The following INPP5E variants were observed in gnomAD, a reference collection of about 807,000 sequenced individuals.
INPP5E encodes phosphatidylinositol polyphosphate 5-phosphatase type IV.
INPP5E carries 34 observed loss-of-function variants against 50.5 expected under a neutral mutation model. The ratio of observed to expected loss-of-function variants is 0.67; its 90% confidence interval spans 0.51 to 0.90. The LOEUF (loss-of-function observed/expected upper bound fraction) is 0.90. Ranked by LOEUF, INPP5E falls within the 40% of genes least tolerant of loss-of-function variation. The probability of loss-of-function intolerance (pLI) is 0.00; values close to 1 mark genes in which losing one functional copy is unlikely to be tolerated. For synonymous variants in INPP5E, 447 were observed against 406.0 expected (o/e 1.10, Z -1.21); for missense variants, 942 against 905.5 (o/e 1.04, Z -0.52).
intron 9 of INPP5E, 30 bp downstream of exon 9, chr9:136,430,247 A>G: frequency 6.4e-7 from 1 of 1,550,748 alleles, no homozygotes. Context: ...CCCCAGGCCC[A>G]AGGGGGAAGG....
Position 136,439,535 on chromosome 9 carries a change from C to G in INPP5E, c.-116G>C. 2 of 734,098 alleles carry G rather than the reference C, an allele frequency of 2.7e-6. No individual in the cohort carries two copies. Among genetic ancestry groups the G allele is most frequent in the Non-Finnish European group, 3.8e-6 (2 of 519,562 alleles). 45.5% of individuals were successfully genotyped at this position (734,098 alleles called of 1,614,324 possible). A position where few individuals can be genotyped will look rare whatever the true frequency, so the allele number is the denominator to read the frequency against. ...GGAGCAGAAACGCCGCTGCGGCTCC[C>G]GCTTGGGCCGGGGATGGTCGCGGAG... On this transcript the variant is annotated 5_prime_UTR_variant, in exon 1 of 10. Coordinates refer to ENST00000371712, the MANE Select transcript of INPP5E (RefSeq NM_019892.6).
At chr9:136,432,787 G>C (rs1692120798) in intron 5 of INPP5E, among the ~76,000 whole-genome samples, 169 bp downstream of exon 5, 1 of 152,226 alleles carries the variant, frequency 6.6e-6, no homozygotes. Flanking sequence ...CTCGGTGCCG[G>C]GGTCTGCCGG....
At chr9:136,433,959 G>A (rs1835770437) in intron 3 of INPP5E, 78 bp downstream of exon 3, 1 of 1,167,742 alleles carries the variant, frequency 8.6e-7, no homozygotes. Context: ...GCCCAGCCAT[G>A]ACCACAGGTC....
Position 136,429,316 on chromosome 9 carries a change from T to C in INPP5E, c.*359A>G, listed in dbSNP as rs945646224. On this transcript the variant is annotated 3_prime_UTR_variant, in exon 10 of 10. Transcript: ENST00000371712. Reference sequence around the variant, plus strand: ...GAGGCTGGTGCAGAGCACGGGGGTGTTGGGGGGCTCTGTGACTGCCCCCAG... The same window carrying C: ...GAGGCTGGTGCAGAGCACGGGGGTGCTGGGGGGCTCTGTGACTGCCCCCAG... 2.5e-6 allele frequency: 1 copy of C among 393,668 alleles called. No homozygotes were observed. The highest frequency in any genetic ancestry group is 4.9e-6 in the Non-Finnish European group (1 of 206,118). 24.4% of individuals were successfully genotyped at this position (393,668 alleles called of 1,614,324 possible).
chr9:136,438,970 C>T lies in INPP5E; in HGVS notation c.450G>A (p.Glu150=), dbSNP rs1336319671. 1.3e-6 allele frequency: 2 copies of T among 1,577,832 alleles called. No individual in the cohort carries two copies. The highest frequency in any genetic ancestry group is 1.3e-5 in the African/African-American group (1 of 74,584). The change falls in exon 1 of 10, where the codon GAG becomes GAA. Residue 150 remains glutamate, a synonymous_variant. Transcript: ENST00000371712. ...IPKSRGVLSS[E]RGSPSSGGNP... ...TACCCCCCGAGGACGGGCTCCCTCT[C>T]TCACTGCTCAGGACCCCGCGGGACT...
chr9:136,438,881 C>T lies in INPP5E; in HGVS notation c.539G>A (p.Gly180Glu). The change falls in exon 1 of 10, where the codon GGG becomes GAG. Residue 180 changes from glycine to glutamate, a missense_variant. Physicochemically the swap from Gly to Glu is moderately conservative, Grantham distance 98. Coordinates refer to ENST00000371712, the MANE Select transcript of INPP5E (RefSeq NM_019892.6). ...NLPHRDAAVAGSSPRLPSLLP... is the reference protein window; with the variant it reads ...NLPHRDAAVAESSPRLPSLLP... ...CAGGCTGGGCAGCCTGGGCGAGCTC[C>T]CCGCCACGGCGGCGTCTCTGTGCGG... 3 of 1,586,966 alleles carry T rather than the reference C, an allele frequency of 1.9e-6. No homozygotes were observed. Among genetic ancestry groups the T allele is most frequent in the Non-Finnish European group, 2.6e-6 (3 of 1,167,088 alleles).
intron 9 of INPP5E, among the ~76,000 whole-genome samples, 181 bp downstream of exon 9, chr9:136,430,096 C>T (rs1423413569): frequency 1.3e-5 from 2 of 152,160 alleles, no homozygotes; most frequent in African/African-American, 4.8e-5. Context: ...TTTCCAGAGC[C>T]TCTCCCCTTC....
rs114698406 is a variant in INPP5E at position 136,432,460 on chromosome 9, G to A, written c.1387+19C>T. 2,512 of 1,490,748 alleles carry A rather than the reference G, an allele frequency of 1.7e-3. 31 individuals carry two copies. In the African/African-American group the frequency reaches 0.029, roughly 17 times the overall value. The allele number at this position is 1,490,748 out of a possible 1,614,324, so 92.3% of individuals were successfully genotyped here. A position where few individuals can be genotyped will look rare whatever the true frequency, so the allele number is the denominator to read the frequency against. ...CGAACCACGGCGGCACCACCCACAC[G>A]CAGCGTGGACGCCCTCACCTGCGCT... is the stretch of plus-strand genomic sequence containing the variant. On this transcript the variant is annotated intron_variant, in intron 6 of 9. Coordinates refer to ENST00000371712, the MANE Select transcript of INPP5E (RefSeq NM_019892.6).
Position 136,429,692 on chromosome 9 carries a change from T to C in INPP5E, c.1918A>G (p.Ile640Val), listed in dbSNP as rs1397261225. 6.2e-7 allele frequency: 1 copy of C among 1,614,090 alleles called. No homozygotes were observed. Among genetic ancestry groups the C allele is most frequent in the Non-Finnish European group, 8.5e-7 (1 of 1,180,036 alleles). The change falls in exon 10 of 10, where the codon ATC becomes GTC. Residue 640 changes from isoleucine to valine, a missense_variant. Physicochemically the swap from Ile to Val is conservative, Grantham distance 29 (BLOSUM62 3). Coordinates refer to ENST00000371712, the MANE Select transcript of INPP5E (RefSeq NM_019892.6). ...QALQSQNSST[I>V]CSVS ...AGCAAACTTCAAGAAACGGAGCAGA[T>C]GGTGCTGGAGTTCTGACTCTGTAGT...
chr9:136,434,236 A>G (rs1564434224), intron 2 of INPP5E, 102 bp from the exon 3 acceptor site: 1 of 820,640 alleles, frequency 1.2e-6, no homozygotes, highest in Non-Finnish European at 2.0e-6. Context: ...ACTCCTCCGA[A>G]TGAGGGGAAA....
At chr9:136,437,049 T>C (rs1251700047) in intron 1 of INPP5E, 1 of 152,242 alleles carries the variant, frequency 6.6e-6, no homozygotes, top group East Asian at 1.9e-4. Flanking sequence ...TCTCACTCTT[T>C]ACGAGAAGCC....
At position 136,431,970 on chromosome 9, in the gene INPP5E, C is replaced by T. The variant is rs112089228; in HGVS notation, c.1403G>A (p.Arg468His). The T allele has an allele frequency of 3.5e-5, 57 of 1,612,376 alleles. No homozygotes were observed. Among genetic ancestry groups the T allele is most frequent in the Non-Finnish European group, 4.3e-5 (51 of 1,179,874 alleles). ...YRSSAADVTT[R>H]FDEVFWFGDF... ...TCCAAACCAGAACACCTCATCGAAG[C>T]GGGTGGTGACGTCCGCTGCGGCACA... The change falls in exon 7 of 10, where the codon CGC becomes CAC. Residue 468 changes from arginine (R) to histidine (H), a missense_variant. Physicochemically the swap from Arg to His is conservative, Grantham distance 29 (BLOSUM62 0). Coordinates refer to ENST00000371712, the MANE Select transcript of INPP5E (RefSeq NM_019892.6).
intron 2 of INPP5E, 45 bp downstream of exon 2, chr9:136,434,695 C>T: frequency 6.3e-7 from 1 of 1,575,162 alleles, no homozygotes; most frequent in Non-Finnish European, 8.6e-7. Flanking sequence ...CTTTGTCCAG[C>T]ACCACCCCAC....
Position 136,432,943 on chromosome 9 carries a change from C to T in INPP5E, c.1279+13G>A, listed in dbSNP as rs780703847. ...TCACACAGCACCTGCGGTGCGGGCA[C>T]CAAGCAACTTACAGGTGAAGTGGGA... On this transcript the variant is annotated intron_variant, in intron 5 of 9. Coordinates refer to ENST00000371712, the MANE Select transcript of INPP5E (RefSeq NM_019892.6). The T allele has an allele frequency of 1.2e-6, 2 of 1,612,094 alleles. No individual in the cohort carries two copies. Among genetic ancestry groups the T allele is most frequent in the South Asian group, 2.2e-5 (2 of 90,810 alleles).
rs1455089387 is a variant in INPP5E at position 136,429,601 on chromosome 9, CTT to C, written c.*72_*73del. The C allele has an allele frequency of 4.8e-5, 76 of 1,590,592 alleles. No homozygotes were observed. In the Middle Eastern group the frequency reaches 7.6e-4, roughly 16 times the overall value. The stretch of plus-strand genomic sequence containing the variant: ...TCGGATCCCCGAAAGGCGGCAAACT[CTT>C]TGTCCTTCCCAGTGGGTTTTGATCA... On this transcript the variant is annotated 3_prime_UTR_variant, in exon 10 of 10. Coordinates refer to ENST00000371712, the MANE Select transcript of INPP5E (RefSeq NM_019892.6).
intron 1 of INPP5E, chr9:136,435,792 G>A (rs550075930): frequency 6.0e-4 from 91 of 152,294 alleles, no homozygotes; most frequent in African/African-American, 2.1e-3. Context: ...TGGACACAAG[G>A]GGTGCAGCCG....
rs778605087 is a variant in INPP5E at position 136,434,142 on chromosome 9, G to A, written c.937-8C>T. On this transcript the variant is annotated splice_polypyrimidine_tract_variant and splice_region_variant and intron_variant, in intron 2 of 9. Transcript: ENST00000371712. ...CAGGCTGGGCGGGAGCTCCTGGAAG[G>A]AGGGAGCATGTGGTGGGCCGGCTCC... 2.5e-6 allele frequency: 4 copies of A among 1,598,012 alleles called. No individual in the cohort carries two copies. The East Asian group carries it at 6.7e-5, about 27-fold the overall frequency.
Position 136,433,294 on chromosome 9 carries a change from GCACGGCCGGCTGGGGGA to G in INPP5E, c.1035-32_1035-16del. On this transcript the variant is annotated splice_polypyrimidine_tract_variant and intron_variant, in intron 3 of 9. Transcript: ENST00000371712. ...CCCACTCCCGCCTGCAGAGGAGGAAGCACGGCCGGCTGGGGGACATGGCCTCCCAGCTCCGCCACCCC... is the reference window on the plus strand; with the variant it reads ...CCCACTCCCGCCTGCAGAGGAGGAAGCATGGCCTCCCAGCTCCGCCACCCC... 1 of 1,570,104 alleles carries G rather than the reference GCACGGCCGGCTGGGGGA, an allele frequency of 6.4e-7. No individual in the cohort carries two copies. The highest frequency in any genetic ancestry group is 8.6e-7 in the Non-Finnish European group (1 of 1,164,690).
chr9:136,434,225 G>T (rs1278630634), intron 2 of INPP5E, 91 bp from the exon 3 acceptor site: 1 of 871,428 alleles, frequency 1.1e-6, no homozygotes, highest in South Asian at 1.4e-5. Flanking sequence ...GAGTACCAGC[G>T]ACTCCTCCGA....
Sources: allele counts gnomAD v4.1 joint callset (sites outside exome capture counted in the v4.1 genomes callset), GRCh38; gene constraint gnomAD v4.1.1; transcripts MANE v1.5; gene names NCBI Gene and HGNC (gene_info 2026-07-23, HGNC 2026-07-21).